Variants in PSMA5 observed in about 807,000 individuals in gnomAD.
The protein encoded by PSMA5 is proteasome 20S subunit alpha 5, also known as proteasome subunit alpha type-5.
Under a neutral mutation model 34.5 loss-of-function variants are expected in PSMA5, and 3 were observed. The observed-to-expected ratio is 0.09, with a 90% CI of 0.04 to 0.22. PSMA5 has a LOEUF of 0.22. Ranked by LOEUF, PSMA5 falls within the 10% of genes least tolerant of loss-of-function variation. PSMA5 has a pLI of 1.00. For synonymous variants in PSMA5, 88 were observed against 95.8 expected, an observed-to-expected ratio of 0.92 and a Z score of 0.47; for missense variants, 120 against 286.1, an observed-to-expected ratio of 0.42 and a Z score of 4.19.
At chr1:109,421,690 A>G (rs1654451809) in intron 2 of PSMA5, among the ~76,000 whole-genome samples, 170 bp downstream of exon 2, 2 of 152,174 alleles carry the variant, frequency 1.3e-5, no homozygotes, top group South Asian at 2.1e-4. Flanking sequence ...TTTAAAATAG[A>G]TATTAGGAAT....
At chr1:109,424,590 A>G (rs551520419) in intron 1 of PSMA5, among the ~76,000 whole-genome samples, 1 of 152,160 alleles carries the variant, frequency 6.6e-6, no homozygotes, top group East Asian at 2.0e-4. Context: ...AGCCTGGCCA[A>G]GATGAGGAAA....
chr1:109,403,474 C>A (rs991387267), intron 8 of PSMA5, among the ~76,000 whole-genome samples: 3 of 147,628 alleles, frequency 2.0e-5, no homozygotes, highest in Admixed American at 6.8e-5. Context: ...AAAAAAAAAA[C>A]CCCAAAAACT....
At chr1:109,411,575 T>TACAC (rs111494877) in intron 6 of PSMA5, among the ~76,000 whole-genome samples, 2 of 151,696 alleles carry the variant, frequency 1.3e-5, no homozygotes, top group Non-Finnish European at 2.9e-5. Context: ...TGTATATACA[T>TACAC]ACACACACAC....
intron 6 of PSMA5, 123 bp from the exon 7 acceptor site, chr1:109,411,236 T>A: frequency 1.6e-6 from 1 of 641,800 alleles, no homozygotes; most frequent in Non-Finnish European, 2.8e-6. Flanking sequence ...ACTGAAATAT[T>A]GAGGCACAGA....
intron 1 of PSMA5, among the ~76,000 whole-genome samples, chr1:109,424,303 T>G (rs1332942379): frequency 6.6e-6 from 1 of 152,154 alleles, no homozygotes; most frequent in East Asian, 1.9e-4. Flanking sequence ...CAATTCTTTT[T>G]TTTTTTTGGA....
At chr1:109,408,721 C>T (rs1297454455) in intron 8 of PSMA5, among the ~76,000 whole-genome samples, 2 of 151,290 alleles carry the variant, frequency 1.3e-5, no homozygotes, top group East Asian at 1.9e-4. Flanking sequence ...GACGGAGTCT[C>T]GTTCTGTCGC....
intron 8 of PSMA5, 22 bp downstream of exon 8, chr1:109,409,906 C>A: frequency 6.5e-7 from 1 of 1,549,296 alleles, no homozygotes; most frequent in Non-Finnish European, 8.8e-7. Flanking sequence ...CGAAAAAAAT[C>A]CAACAATAAA....
intron 5 of PSMA5, 48 bp from the exon 6 acceptor site, chr1:109,411,983 G>T (rs1248585359): frequency 6.3e-7 from 1 of 1,587,920 alleles, no homozygotes; most frequent in South Asian, 1.1e-5. Flanking sequence ...TATAAAGTAA[G>T]GAGGTGAGAG....
At chr1:109,408,059 C>T (rs1653852037) in intron 8 of PSMA5, among the ~76,000 whole-genome samples, 1 of 152,144 alleles carries the variant, frequency 6.6e-6, no homozygotes, top group Non-Finnish European at 1.5e-5. Context: ...TTTACAATCA[C>T]TAGGAAAAAT....
chr1:109,423,177 G>A (rs1306841712), intron 1 of PSMA5, among the ~76,000 whole-genome samples: 2 of 152,338 alleles, frequency 1.3e-5, no homozygotes, highest in East Asian at 1.9e-4. Context: ...GGTGGCTCAC[G>A]CCTGTAATCC....
rs909233600 is a variant in PSMA5, at chr1:109,424,500, G to A, written c.29+1802C>T. 2.0e-5 allele frequency among the ~76,000 whole-genome samples: 3 copies of A among 152,114 alleles called. No individual in the cohort carries two copies. The East Asian group carries it at 5.9e-4, about 30-fold the overall frequency. Reference sequence around the variant, plus strand: ...AACAATTCTTTAAGAGTCTCAGGCCGAGCGAGGTGGCTCTCGCCTGTAATC... The same window carrying A: ...AACAATTCTTTAAGAGTCTCAGGCCAAGCGAGGTGGCTCTCGCCTGTAATC... On this transcript the variant is annotated intron_variant, in intron 1 of 8. Coordinates refer to ENST00000271308, the MANE Select transcript of PSMA5 (RefSeq NM_002790.4).
Position 109,400,469 on chromosome 1 carries a change from A to G in PSMA5, c.*1544T>C, listed in dbSNP as rs919418789. ...TAAATTTGTTACAGGAATAAATGAG[A>G]TAGGATTTTCAAGGGTATTTTCTAT... On this transcript the variant is annotated 3_prime_UTR_variant, in exon 9 of 9. Coordinates refer to ENST00000271308, the MANE Select transcript of PSMA5 (RefSeq NM_002790.4). 7.9e-5 allele frequency: 12 copies of G among 152,364 alleles called. No homozygotes were observed. The highest frequency in any genetic ancestry group is 1.3e-4 in the Non-Finnish European group (9 of 68,040). The allele number at this position is 152,364 out of a possible 1,614,324, so 9.4% of individuals were successfully genotyped here. A position where few individuals can be genotyped will look rare whatever the true frequency, so the allele number is the denominator to read the frequency against.
chr1:109,408,616 A>G (rs1255619986), intron 8 of PSMA5, among the ~76,000 whole-genome samples: 1 of 151,232 alleles, frequency 6.6e-6, no homozygotes. Context: ...TTCAAAACCA[A>G]CTCCTTCATG....
intron 2 of PSMA5, among the ~76,000 whole-genome samples, chr1:109,419,830 C>T (rs971172404): frequency 1.3e-4 from 20 of 148,420 alleles, no homozygotes; most frequent in Admixed American, 6.0e-4. Flanking sequence ...AAAAACAAGC[C>T]GCGCATGGTT....
At chr1:109,407,565 TCAA>T (rs756998532) in intron 8 of PSMA5, among the ~76,000 whole-genome samples, 1 of 152,214 alleles carries the variant, frequency 6.6e-6, no homozygotes, top group Non-Finnish European at 1.5e-5. Flanking sequence ...ATGAGTGTGG[TCAA>T]CAAATATCCT....
Position 109,401,669 on chromosome 1 carries a change from C to T in PSMA5, c.*344G>A. The T allele has an allele frequency of 5.9e-6, 1 of 169,400 alleles. No individual in the cohort carries two copies. Among genetic ancestry groups the T allele is most frequent in the East Asian group, 1.6e-4 (1 of 6,340 alleles). The allele number at this position is 169,400 out of a possible 1,614,324, so 10.5% of individuals were successfully genotyped here. ...TAACATTTGCATTTCAAACAAAAGA[C>T]TGTATTACAATGGCTGGGCACAGTG... is the stretch of plus-strand genomic sequence containing the variant. On this transcript the variant is annotated 3_prime_UTR_variant, in exon 9 of 9. Coordinates refer to ENST00000271308, the MANE Select transcript of PSMA5 (RefSeq NM_002790.4).
intron 2 of PSMA5, among the ~76,000 whole-genome samples, chr1:109,418,917 G>A (rs1043683169): frequency 1.3e-5 from 2 of 152,212 alleles, no homozygotes; most frequent in African/African-American, 4.8e-5. Flanking sequence ...CAATTTGGGA[G>A]GGTGAGGCGG....
intron 3 of PSMA5, among the ~76,000 whole-genome samples, 178 bp from the exon 4 acceptor site, chr1:109,413,313 A>G (rs561177158): frequency 6.6e-6 from 1 of 152,352 alleles, no homozygotes; most frequent in East Asian, 1.9e-4. Context: ...TATTAATGAT[A>G]TTAGAAACAA....
chr1:109,407,032 G>C (rs1377529829), intron 8 of PSMA5, among the ~76,000 whole-genome samples: 1 of 152,192 alleles, frequency 6.6e-6, no homozygotes, highest in African/African-American at 2.4e-5. Flanking sequence ...GCCCAGGCTG[G>C]AGTGCAGTGG....
Sources: gnomAD v4.1 joint callset for allele counts (sites outside exome capture counted in the v4.1 genomes callset) on GRCh38, gnomAD v4.1.1 for gene constraint, MANE v1.5 for transcripts, NCBI Gene and HGNC (gene_info 2026-07-23, HGNC 2026-07-21) for gene names.